The following RARB variants were observed in gnomAD, a reference collection of about 807,000 sequenced individuals.
RARB encodes retinoic acid receptor beta, also known as HBV-activated protein.
In RARB, 17 loss-of-function variants were observed where a neutral mutation model predicts 51.9. The ratio of observed to expected loss-of-function variants is 0.33; its 90% CI spans 0.22 to 0.49. RARB has a LOEUF of 0.49. RARB is among the 20% of genes least tolerant of loss of function. The pLI, the probability that RARB is intolerant of heterozygous loss-of-function variation, is 0.99. For missense variants in RARB, 369 were observed against 550.8 expected, an observed-to-expected ratio of 0.67 and a Z score of 3.30; for synonymous variants, 215 against 195.4, an observed-to-expected ratio of 1.10 and a Z score of -0.84.
chr3:24,882,071 A>C (rs565432448), intron 2 of RARB, among the ~76,000 whole-genome samples: 30 of 152,340 alleles, frequency 2.0e-4, no homozygotes, highest in African/African-American at 7.2e-4. Context: ...AGTGACTTGT[A>C]TTTGGAGAAT....
chr3:25,021,655 A>C (rs1697638135), intron 2 of RARB, among the ~76,000 whole-genome samples: 1 of 151,270 alleles, frequency 6.6e-6, no homozygotes, highest in Admixed American at 6.6e-5. Flanking sequence ...TTTTTACTGG[A>C]AAAAAAAATA....
intron 2 of RARB, among the ~76,000 whole-genome samples, chr3:25,487,195 A>C (rs1008060552): frequency 4.0e-4 from 61 of 152,190 alleles, no homozygotes; most frequent in African/African-American, 1.4e-3. Context: ...ATAGACACAC[A>C]TTACAGACGT....
At chr3:25,493,340 GGTGTTTTTTGTTTGTTTAAGGCAAC>G (rs1696844024) in intron 2 of RARB, among the ~76,000 whole-genome samples, 1 of 152,048 alleles carries the variant, frequency 6.6e-6, no homozygotes, top group Non-Finnish European at 1.5e-5. Flanking sequence ...CTCTCCAGAG[GGTGTTTTTTGTTTGTTTAAGGCAAC>G]GTGTTTCCTG....
intron 5 of RARB, among the ~76,000 whole-genome samples, chr3:25,593,178 T>TA (rs1553637352): frequency 1.3e-5 from 2 of 151,950 alleles, no homozygotes; most frequent in Non-Finnish European, 2.9e-5. Flanking sequence ...TTTTTTTTTT[T>TA]ATCTCCAGCA....
chr3:25,100,999 T>G (rs1313376023), intron 3 of RARB, among the ~76,000 whole-genome samples: 1 of 152,144 alleles, frequency 6.6e-6, no homozygotes, highest in Admixed American at 6.6e-5. Context: ...TAAAATAGAG[T>G]TAATTTACCT....
At chr3:24,859,528 G>A (rs1280817690) in intron 2 of RARB, among the ~76,000 whole-genome samples, 1 of 152,014 alleles carries the variant, frequency 6.6e-6, no homozygotes, top group Non-Finnish European at 1.5e-5. Context: ...TCAAACCTCT[G>A]TATTCTGGTG....
At chr3:25,384,767 G>A (rs1239990078) in intron 5 of RARB, among the ~76,000 whole-genome samples, 1 of 152,186 alleles carries the variant, frequency 6.6e-6, no homozygotes, top group Non-Finnish European at 1.5e-5. Flanking sequence ...TCCCAGAAAA[G>A]AGTATTTTCA....
At chr3:24,882,809 G>A (rs1703192784) in intron 2 of RARB, among the ~76,000 whole-genome samples, 1 of 152,118 alleles carries the variant, frequency 6.6e-6, no homozygotes, top group African/African-American at 2.4e-5. Flanking sequence ...ATAGACATGT[G>A]CTTAACCAGC....
rs183726431 is a variant in RARB at position 25,554,850 on chromosome 3, A to C, written c.449-14908A>C. On this transcript the variant is annotated intron_variant, in intron 3 of 7. Transcript: ENST00000330688. The stretch of plus-strand genomic sequence containing the variant: ...GTGTCCCAAGATGGCACAGGGCCTC[A>C]TATGGCAAGAGGATTGGGTGTGTTA... 2.6e-5 allele frequency among the ~76,000 whole-genome samples: 4 copies of C among 152,308 alleles called. No homozygotes were observed. In the East Asian group the frequency reaches 7.7e-4, roughly 29 times the overall value.
intron 3 of RARB, among the ~76,000 whole-genome samples, chr3:25,564,113 T>C (rs1700385554): frequency 6.6e-6 from 1 of 152,330 alleles, no homozygotes; most frequent in South Asian, 2.1e-4. Context: ...CACATTAAAA[T>C]GAACATGACT....
chr3:25,530,589 C>T (rs1468828140), intron 3 of RARB, among the ~76,000 whole-genome samples: 1 of 152,220 alleles, frequency 6.6e-6, no homozygotes. Context: ...TGGCCAGAGT[C>T]TTTCTCACAT....
intron 3 of RARB, among the ~76,000 whole-genome samples, chr3:25,544,718 G>A (rs777310752): frequency 3.0e-4 from 45 of 152,150 alleles, no homozygotes; most frequent in Admixed American, 1.4e-3. Flanking sequence ...CACATTACAG[G>A]CAATATCTCC....
chr3:24,849,884 CA>C (rs1278840995), intron 1 of RARB, among the ~76,000 whole-genome samples: 1 of 152,158 alleles, frequency 6.6e-6, no homozygotes, highest in Non-Finnish European at 1.5e-5. Context: ...AATAACTTCT[CA>C]GTTTTGAAAC....
chr3:25,488,510 A>G (rs1189150923), intron 2 of RARB, among the ~76,000 whole-genome samples: 1 of 149,760 alleles, frequency 6.7e-6, no homozygotes, highest in African/African-American at 2.6e-5. Context: ...GAGGAAAGCA[A>G]AATTAGGCTG....
At chr3:25,185,060 C>T (rs1700945808) in intron 5 of RARB, among the ~76,000 whole-genome samples, 1 of 152,188 alleles carries the variant, frequency 6.6e-6, no homozygotes, top group African/African-American at 2.4e-5. Flanking sequence ...GGTCTTTCTA[C>T]ATGTGCATGT....
At chr3:25,304,705 G>A (rs966124789) in intron 5 of RARB, among the ~76,000 whole-genome samples, 1 of 152,112 alleles carries the variant, frequency 6.6e-6, no homozygotes, top group Admixed American at 6.6e-5. Flanking sequence ...TAGTTAATTA[G>A]TTTCCTTGCT....
chr3:25,243,005 C>G (rs1031846335), intron 5 of RARB, among the ~76,000 whole-genome samples: 1 of 152,088 alleles, frequency 6.6e-6, no homozygotes, highest in Non-Finnish European at 1.5e-5. Flanking sequence ...TTGTAGTTCT[C>G]CTTGAAGAGG....
chr3:25,231,761 T>C (rs1702182829), intron 5 of RARB, among the ~76,000 whole-genome samples: 1 of 152,180 alleles, frequency 6.6e-6, no homozygotes, highest in Admixed American at 6.5e-5. Flanking sequence ...TAAATTGGGT[T>C]GCCTCCTTTC....
chr3:25,487,266 G>T (rs1307338333), intron 2 of RARB, among the ~76,000 whole-genome samples: 1 of 152,260 alleles, frequency 6.6e-6, no homozygotes, highest in East Asian at 1.9e-4. Context: ...CCACTAAATG[G>T]GTTACTTTGG....
Sources: allele counts gnomAD v4.1 joint callset (sites outside exome capture counted in the v4.1 genomes callset), GRCh38; gene constraint gnomAD v4.1.1; transcripts MANE v1.5; gene names NCBI Gene and HGNC (gene_info 2026-07-23, HGNC 2026-07-21).